TRAPPC3: variants seen among roughly 807,000 people sequenced by gnomAD.
TRAPPC3 encodes trafficking protein particle complex subunit 3.
TRAPPC3 carries 5 observed loss-of-function variants against 18.2 expected under a neutral mutation model. The ratio of observed to expected loss-of-function variants is 0.28; its 90% CI spans 0.14 to 0.58. The LOEUF (loss-of-function observed/expected upper bound fraction) is 0.58, where lower values mean the gene tolerates loss of function less well. TRAPPC3 is among the 20% of genes least tolerant of loss of function. The pLI is 0.91. For synonymous variants in TRAPPC3, 65 were observed against 84.2 expected (o/e 0.77, Z 1.25); for missense variants, 176 against 225.9 (o/e 0.78, Z 1.41).
upstream of TRAPPC3, among the ~76,000 whole-genome samples, chr1:36,153,461 A>G (rs1315748892): frequency 1.3e-5 from 2 of 152,136 alleles, no homozygotes; most frequent in Non-Finnish European, 2.9e-5. Flanking sequence ...TGGCCAGGAG[A>G]ACTGTCGTTT....
chr1:36,138,276 T>C, intron 3 of TRAPPC3: 3 of 1,536,334 alleles, frequency 2.0e-6, no homozygotes, highest in Non-Finnish European at 2.6e-6. Context: ...ACTGTGTGCT[T>C]GTACTTCTCA....
At chr1:36,152,752 G>A (rs968630891), upstream of TRAPPC3, among the ~76,000 whole-genome samples, 3 of 152,148 alleles carry the variant, frequency 2.0e-5, no homozygotes, top group Non-Finnish European at 4.4e-5. Flanking sequence ...CCGGGCTCAA[G>A]TGATCCTCCC....
intron 3 of TRAPPC3, among the ~76,000 whole-genome samples, chr1:36,139,162 T>A (rs986884855): frequency 5.5e-5 from 8 of 146,682 alleles, no homozygotes; most frequent in Non-Finnish European, 1.1e-4. Context: ...CTGTATTTTT[T>A]TTTTTTTTTT....
chr1:36,149,463 C>T lies in TRAPPC3; in HGVS notation c.-85G>A. On this transcript the variant is annotated 5_prime_UTR_variant, in exon 1 of 5. Coordinates refer to ENST00000373166, the MANE Select transcript of TRAPPC3 (RefSeq NM_014408.5). ...CGCCGGAGCCTAAGCCGCTGCCCCT[C>T]AGCCCACAAGACCGACCGGCACTGA... 4 of 1,553,970 alleles carry T rather than the reference C, an allele frequency of 2.6e-6. No individual in the cohort carries two copies. In the Admixed American group the frequency reaches 5.4e-5, roughly 21 times the overall value.
chr1:36,138,157 C>A, intron 3 of TRAPPC3, 179 bp from the exon 4 acceptor site: 1 of 1,551,714 alleles, frequency 6.4e-7, no homozygotes, highest in South Asian at 1.2e-5. Context: ...GATGCTGCAC[C>A]CCTCTCCTTC....
rs756515685 is a variant in TRAPPC3 at position 36,146,452 on chromosome 1, G to A, written c.42+2885C>T. ...GCTGGGACTACAGACGCCCGCCACC[G>A]CGACCGGCTAATTTTTTGTATTTTT... On this transcript the variant is annotated intron_variant, in intron 1 of 4. Transcript: ENST00000373166. Among the ~76,000 whole-genome samples the A allele has an allele frequency of 1.7e-4, 26 of 151,620 alleles. 1 individual carries two copies. Among genetic ancestry groups the A allele is most frequent in the Admixed American group, 5.9e-4 (9 of 15,234 alleles).
chr1:36,150,973 G>A (rs1644266184), upstream of TRAPPC3, among the ~76,000 whole-genome samples: 1 of 152,180 alleles, frequency 6.6e-6, no homozygotes, highest in East Asian at 1.9e-4. Context: ...ACAGAAACCT[G>A]AGTCACACTC....
chr1:36,147,479 C>T (rs766835561), intron 1 of TRAPPC3, among the ~76,000 whole-genome samples: 2 of 137,734 alleles, frequency 1.5e-5, no homozygotes, highest in Non-Finnish European at 3.1e-5. Flanking sequence ...CCTAGCTCTA[C>T]AAAAAAAAAA....
At chr1:36,148,574 G>T (rs1314871796) in intron 1 of TRAPPC3, among the ~76,000 whole-genome samples, 1 of 148,102 alleles carries the variant, frequency 6.8e-6, no homozygotes, top group East Asian at 2.1e-4. Flanking sequence ...CACCCCGGGT[G>T]ACAGAGATTT....
At chr1:36,137,562 T>G in intron 4 of TRAPPC3, 1 of 635,544 alleles carries the variant, frequency 1.6e-6, no homozygotes, top group Non-Finnish European at 2.7e-6. Flanking sequence ...TATCTGAGAA[T>G]GGATGTTCCT....
chr1:36,149,428 C>T lies in TRAPPC3; in HGVS notation c.-50G>A, dbSNP rs1357014371. ...GCCTAGCCACGGGTTAGCTCGGCGA[C>T]CCCTGCAGACGCCGGAGCCTAAGCC... On this transcript the variant is annotated 5_prime_UTR_variant, in exon 1 of 5. Transcript: ENST00000373166. The T allele has an allele frequency of 3.7e-6, 6 of 1,604,330 alleles. No individual in the cohort carries two copies. Among genetic ancestry groups the T allele is most frequent in the Middle Eastern group, 1.7e-4 (1 of 6,054 alleles).
chr1:36,152,876 T>G (rs532140675), upstream of TRAPPC3, among the ~76,000 whole-genome samples: 13 of 152,260 alleles, frequency 8.5e-5, no homozygotes, highest in African/African-American at 3.1e-4. Context: ...GGTCTCGAAC[T>G]CCTGAGCTCA....
chr1:36,146,013 CG>C, intron 1 of TRAPPC3, among the ~76,000 whole-genome samples: 1 of 151,508 alleles, frequency 6.6e-6, no homozygotes, highest in South Asian at 2.1e-4. Flanking sequence ...CTCCTGACCT[CG>C]TGATCCACCC....
rs1392276366 is a variant in TRAPPC3 at position 36,136,652 on chromosome 1, T to C, written c.*551A>G. ...GTACCCTCTGTAAAAAGAGGAGATG[T>C]TGCCTCCAACAGCAGGGAGGAATGA... On this transcript the variant is annotated 3_prime_UTR_variant, in exon 5 of 5. Transcript: ENST00000373166. 1 of 152,698 alleles carries C rather than the reference T, an allele frequency of 6.5e-6. No individual in the cohort carries two copies. Among genetic ancestry groups the C allele is most frequent in the Non-Finnish European group, 1.5e-5 (1 of 68,070 alleles). 9.5% of individuals were successfully genotyped at this position (152,698 alleles called of 1,614,324 possible). A position where few individuals can be genotyped will look rare whatever the true frequency, so the allele number is the denominator to read the frequency against.
intron 1 of TRAPPC3, chr1:36,149,116 G>C (rs1258742773): frequency 9.7e-6 from 14 of 1,440,780 alleles, no homozygotes; most frequent in African/African-American, 1.4e-5. Flanking sequence ...GCTTAGCACA[G>C]AGCTGCACTC....
At chr1:36,150,738 T>C (rs1644263022), upstream of TRAPPC3, among the ~76,000 whole-genome samples, 3 of 152,196 alleles carry the variant, frequency 2.0e-5, no homozygotes. Context: ...CCATCCTGTG[T>C]AATGCCACAG....
Position 36,138,012 on chromosome 1 carries a change from G to C in TRAPPC3, c.241-34C>G, listed in dbSNP as rs113286790. 3.4e-5 allele frequency: 55 copies of C among 1,611,092 alleles called. No homozygotes were observed. The African/African-American group carries it at 5.6e-4, about 16-fold the overall frequency. On this transcript the variant is annotated intron_variant, in intron 3 of 4. Coordinates refer to ENST00000373166, the MANE Select transcript of TRAPPC3 (RefSeq NM_014408.5). ...GGACACACAACAGCACTTTGGGGAAGAGCAGCAGGAACTGTACCACAGGGA... is the reference window on the plus strand; with the variant it reads ...GGACACACAACAGCACTTTGGGGAACAGCAGCAGGAACTGTACCACAGGGA...
intron 1 of TRAPPC3, chr1:36,155,771 C>G (rs1644314016): frequency 6.6e-6 from 1 of 152,510 alleles, no homozygotes; most frequent in South Asian, 2.1e-4. Context: ...AAGCTGCCCT[C>G]TCAGCCCCAG....
upstream of TRAPPC3, among the ~76,000 whole-genome samples, chr1:36,151,586 G>A (rs1570108981): frequency 6.6e-6 from 1 of 152,042 alleles, no homozygotes; most frequent in Admixed American, 6.6e-5. Context: ...ACTCCAGCCT[G>A]GGTGACAGAA....
Sources: gnomAD v4.1 joint callset for allele counts (sites outside exome capture counted in the v4.1 genomes callset) on GRCh38, gnomAD v4.1.1 for gene constraint, MANE v1.5 for transcripts, NCBI Gene and HGNC (gene_info 2026-07-23, HGNC 2026-07-21) for gene names.